TPRG1: variants seen among roughly 807,000 people sequenced by gnomAD.
The protein encoded by TPRG1 is tumor protein p63-regulated gene 1 protein.
Under a neutral mutation model 29.3 loss-of-function variants are expected in TPRG1, and 29 were observed. The observed-to-expected ratio is 0.99, with a 90% CI of 0.74 to 1.35. The LOEUF is 1.35. TPRG1 is among the 40% of genes most tolerant of loss of function. The pLI is 0.00. For synonymous variants in TPRG1, 130 were observed against 116.8 expected (o/e 1.11, Z -0.73); for missense variants, 327 against 335.0 (o/e 0.98, Z 0.19).
At chr3:189,204,713 C>T (rs771691822) in intron 1 of TPRG1, among the ~76,000 whole-genome samples, 1 of 152,128 alleles carries the variant, frequency 6.6e-6, no homozygotes, top group African/African-American at 2.4e-5. Flanking sequence ...TGTTGTTAGG[C>T]GTGTGTTCAC....
At chr3:189,057,222 T>C (rs565126474) in intron 4 of TPRG1, among the ~76,000 whole-genome samples, 2 of 152,210 alleles carry the variant, frequency 1.3e-5, no homozygotes, top group Non-Finnish European at 2.9e-5. Flanking sequence ...CCTGGGCTTA[T>C]GGCTTGTGTT....
chr3:189,162,897 G>A (rs6444358), intron 5 of TPRG1, among the ~76,000 whole-genome samples: 8,827 of 152,242 alleles, frequency 0.058, 359 homozygotes, highest in Middle Eastern at 0.12. Context: ...GGTGTTTACC[G>A]CAGTTTCTGG....
At chr3:189,097,763 G>T (rs2152186016), upstream of TPRG1, among the ~76,000 whole-genome samples, 1 of 152,292 alleles carries the variant, frequency 6.6e-6, no homozygotes, top group Middle Eastern at 3.4e-3. Flanking sequence ...AGTCCAAATG[G>T]CAACACAGGA....
chr3:189,257,970 G>A (rs1170107582), intron 4 of TPRG1, among the ~76,000 whole-genome samples: 8 of 152,158 alleles, frequency 5.3e-5, no homozygotes. Flanking sequence ...GGAGGAGTTT[G>A]TTATTGCCTA....
chr3:189,226,702 C>A (rs199884685), intron 3 of TPRG1, among the ~76,000 whole-genome samples: 2 of 139,354 alleles, frequency 1.4e-5, no homozygotes, highest in African/African-American at 2.6e-5. Context: ...AAAAATTAAA[C>A]AAAAAAAACC....
At chr3:189,007,350 C>T (rs1578183799) in intron 3 of TPRG1, among the ~76,000 whole-genome samples, 1 of 152,036 alleles carries the variant, frequency 6.6e-6, no homozygotes, top group African/African-American at 2.4e-5. Context: ...CAGTGAGATA[C>T]CATCTCACAC....
At chr3:189,203,434 A>G (rs1224737579) in intron 1 of TPRG1, among the ~76,000 whole-genome samples, 1 of 151,992 alleles carries the variant, frequency 6.6e-6, no homozygotes. Flanking sequence ...AAATATAACT[A>G]TTTTCTTTCT....
In TPRG1 at chr3:189,231,943, TTGTGTGTG is replaced by T. The variant is rs10576562; in HGVS notation, c.303-6766_303-6759del. ...AAATTTCAGAAGCTTCAAACCTGGT[TTGTGTGTG>T]TGTGTGTGTGTGTGTGTGTGTGTTT... On this transcript the variant is annotated intron_variant, in intron 3 of 5. Coordinates refer to ENST00000345063, the MANE Select transcript of TPRG1 (RefSeq NM_198485.4). Among the ~76,000 whole-genome samples the T allele has an allele frequency of 2.7e-3, 392 of 147,706 alleles. 1 individual carries two copies. Among genetic ancestry groups the T allele is most frequent in the Admixed American group, 3.4e-3 (51 of 14,814 alleles).
At chr3:189,235,207 A>G (rs1488162415) in intron 3 of TPRG1, among the ~76,000 whole-genome samples, 1 of 139,736 alleles carries the variant, frequency 7.2e-6, no homozygotes, top group East Asian at 2.2e-4. Context: ...GGCGGTAAAG[A>G]TGAGGTTTGC....
At chr3:189,171,653 A>G (rs79994162), upstream of TPRG1, among the ~76,000 whole-genome samples, 7 of 152,254 alleles carry the variant, frequency 4.6e-5, no homozygotes, top group African/African-American at 1.2e-4. Context: ...AAATCAAGCC[A>G]TCATAAAGAA....
intron 1 of TPRG1, among the ~76,000 whole-genome samples, chr3:189,193,841 G>GT (rs1732117299): frequency 6.7e-6 from 1 of 149,894 alleles, no homozygotes; most frequent in Non-Finnish European, 1.5e-5. Flanking sequence ...CTGTCCGTAT[G>GT]TTTTTGGTTG....
At chr3:189,302,347 T>C (rs577394483) in intron 4 of TPRG1, among the ~76,000 whole-genome samples, 104 of 152,198 alleles carry the variant, frequency 6.8e-4, no homozygotes, top group Admixed American at 2.2e-3. Context: ...CTCATCACAA[T>C]TGTATCCGGA....
chr3:189,142,107 AG>A (rs1724648393), intron 3 of TPRG1, among the ~76,000 whole-genome samples: 1 of 152,178 alleles, frequency 6.6e-6, no homozygotes, highest in Non-Finnish European at 1.5e-5. Flanking sequence ...CCACTAAGGA[AG>A]ACTTAGAATG....
intron 3 of TPRG1, among the ~76,000 whole-genome samples, chr3:189,135,390 A>G (rs1315189497): frequency 2.0e-5 from 3 of 152,234 alleles, no homozygotes; most frequent in African/African-American, 7.2e-5. Context: ...TCAACATGAC[A>G]AGTTTCAAAA....
chr3:189,234,890 A>G (rs1387790637), intron 3 of TPRG1, among the ~76,000 whole-genome samples: 1 of 152,190 alleles, frequency 6.6e-6, no homozygotes, highest in African/African-American at 2.4e-5. Context: ...GTAGCCACAG[A>G]GGTTTGAGAA....
chr3:189,175,801 TTC>T (rs1476341743), intron 1 of TPRG1, among the ~76,000 whole-genome samples: 1 of 152,180 alleles, frequency 6.6e-6, no homozygotes, highest in South Asian at 2.1e-4. Flanking sequence ...TGGAAAAGGT[TTC>T]TCTCTCTCAA....
At chr3:189,278,434 G>A (rs1028377721) in intron 4 of TPRG1, among the ~76,000 whole-genome samples, 1 of 152,162 alleles carries the variant, frequency 6.6e-6, no homozygotes, top group African/African-American at 2.4e-5. Context: ...ATTGCTTTAC[G>A]TACTGTGAGC....
intron 4 of TPRG1, among the ~76,000 whole-genome samples, chr3:189,051,662 TCTGGAGACAC>T (rs1301146006): frequency 6.6e-6 from 1 of 151,790 alleles, no homozygotes; most frequent in Non-Finnish European, 1.5e-5. Flanking sequence ...AAAGAGCAAA[TCTGGAGACAC>T]CACACTACCT....
intron 3 of TPRG1, among the ~76,000 whole-genome samples, chr3:189,226,103 C>T (rs1737679828): frequency 2.0e-5 from 3 of 152,196 alleles, no homozygotes; most frequent in Admixed American, 2.0e-4. Flanking sequence ...CACCGCTAGA[C>T]AGAAGATCAG....
Sources: allele counts gnomAD v4.1 joint callset (sites outside exome capture counted in the v4.1 genomes callset), GRCh38; gene constraint gnomAD v4.1.1; transcripts MANE v1.5; gene names NCBI Gene and HGNC (gene_info 2026-07-23, HGNC 2026-07-21).